Variants in SMARCA4 observed in about 807,000 individuals in gnomAD.
SMARCA4 encodes the protein SWI/SNF-related matrix-associated actin-dependent regulator of chromatin subfamily A member 4.
A neutral mutation model predicts 193.9 loss-of-function variants in SMARCA4; 31 were observed. The ratio of observed to expected loss-of-function variants is 0.16; its 90% CI spans 0.12 to 0.22. The LOEUF (loss-of-function observed/expected upper bound fraction) is 0.22. Among genes scored for constraint, SMARCA4 ranks in the 10% least tolerant of loss-of-function variants. The pLI, the probability that SMARCA4 is intolerant of heterozygous loss-of-function variation, is 1.00. For synonymous variants in SMARCA4, 942 were observed against 933.1 expected, an observed-to-expected ratio of 1.01 and a Z score of -0.17; for missense variants, 1,148 against 2,296.0, an observed-to-expected ratio of 0.50 and a Z score of 10.22.
rs909683114 is a variant in SMARCA4 at position 11,034,395 on chromosome 19, C to T, written c.3951+195C>T. ...GTCTCCTGAGGATGGCATCGGAGGG[C>T]GAGATGCACACCCAGCCTTCTGCAT... On this transcript the variant is annotated intron_variant, in intron 28 of 34. Coordinates refer to ENST00000344626, the MANE Select transcript of SMARCA4 (RefSeq NM_003072.5). This position sits in a 1 kb window ranked among gnomAD's most constrained non-coding sequence, Gnocchi z 7.0. Among the ~76,000 whole-genome samples the T allele has an allele frequency of 1.3e-5, 2 of 152,160 alleles. No individual in the cohort carries two copies. The highest frequency in any genetic ancestry group is 4.8e-5 in the African/African-American group (2 of 41,446).
At chr19:11,060,280 G>A (rs2076791585) in intron 34 of SMARCA4, 93 bp downstream of exon 34, 13 of 1,436,110 alleles carry the variant, frequency 9.1e-6, no homozygotes, top group Admixed American at 3.9e-5. Context: ...GTGCTCCCAC[G>A]CCCCCACGCT....
chr19:11,037,545 C>T (rs768478347), intron 29 of SMARCA4, among the ~76,000 whole-genome samples: 5 of 152,126 alleles, frequency 3.3e-5, no homozygotes, highest in Admixed American at 6.5e-5. Context: ...TTACAAGTGC[C>T]TTATCAGATA....
intron 11 of SMARCA4, among the ~76,000 whole-genome samples, chr19:11,000,420 C>T (rs781269948): frequency 1.3e-5 from 2 of 151,872 alleles, no homozygotes; most frequent in Non-Finnish European, 2.9e-5. Flanking sequence ...CCCACCTACT[C>T]GAGAGGCTGA....
chr19:11,031,186 G>A lies in SMARCA4; in HGVS notation c.3546+293G>A. 1 of 444,278 alleles carries A rather than the reference G, an allele frequency of 2.3e-6. No homozygotes were observed. The highest frequency in any genetic ancestry group is 2.1e-5 in the South Asian group (1 of 48,066). 27.5% of individuals were successfully genotyped at this position (444,278 alleles called of 1,614,324 possible). ...AATGGCACCCATGAGGAGGTGGAAA[G>A]TATCCTGATCAATCTGCGCCGTCAC... is the stretch of plus-strand genomic sequence containing the variant. On this transcript the variant is annotated intron_variant, in intron 25 of 34. Coordinates refer to ENST00000344626, the MANE Select transcript of SMARCA4 (RefSeq NM_003072.5). The surrounding 1 kb of genome is among the most constrained non-coding windows in gnomAD (Gnocchi z 4.3).
intron 1 of SMARCA4, among the ~76,000 whole-genome samples, chr19:10,982,258 G>T (rs928700485): frequency 6.6e-6 from 1 of 151,988 alleles, no homozygotes; most frequent in East Asian, 2.0e-4. Context: ...TTGGGATCAC[G>T]AGGTCAGGAG....
At chr19:10,998,923 C>T (rs1346662282) in intron 11 of SMARCA4, among the ~76,000 whole-genome samples, 5 of 148,362 alleles carry the variant, frequency 3.4e-5, no homozygotes, top group Admixed American at 1.4e-4. Flanking sequence ...TCTGTCAAGA[C>T]GGGGTCTCCC....
rs2076651110 is a variant in SMARCA4 at position 11,058,180 on chromosome 19, G to A, written c.4425-75G>A. The A allele has an allele frequency of 3.4e-6, 3 of 894,030 alleles. No individual in the cohort carries two copies. Among genetic ancestry groups the A allele is most frequent in the Non-Finnish European group, 5.6e-6 (3 of 537,194 alleles). 55.4% of individuals were successfully genotyped at this position (894,030 alleles called of 1,614,324 possible). A position where few individuals can be genotyped will look rare whatever the true frequency, so the allele number is the denominator to read the frequency against. ...GAATTTCTCATCCTTAAACAATGTG[G>A]GAACCTGCTGAGGTGGGGTGGGGGC... is the stretch of plus-strand genomic sequence containing the variant. On this transcript the variant is annotated intron_variant, in intron 30 of 34. Coordinates refer to ENST00000344626, the MANE Select transcript of SMARCA4 (RefSeq NM_003072.5). This position sits in a 1 kb window ranked among gnomAD's most constrained non-coding sequence, Gnocchi z 5.8.
chr19:11,047,898 T>C (rs1441773269), intron 30 of SMARCA4: 1 of 152,188 alleles, frequency 6.6e-6, no homozygotes, highest in Non-Finnish European at 1.5e-5. Context: ...GACTCAGAGA[T>C]CACCTCCCAG....
intron 13 of SMARCA4, 91 bp downstream of exon 13, chr19:11,003,488 G>A: frequency 7.9e-7 from 1 of 1,267,584 alleles, no homozygotes; most frequent in Non-Finnish European, 1.2e-6. Context: ...TGCCCTGGCT[G>A]GGCATCTTGT....
Position 11,058,751 on chromosome 19 carries a change from G to C in SMARCA4, c.4534-37G>C, listed in dbSNP as rs965681563. On this transcript the variant is annotated intron_variant, in intron 31 of 34. Coordinates refer to ENST00000344626, the MANE Select transcript of SMARCA4 (RefSeq NM_003072.5). This position sits in a 1 kb window ranked among gnomAD's most constrained non-coding sequence, Gnocchi z 5.8. ...CAGGCCTGCGGGCAGGCGAGGCGGG[G>C]TCCTGAGGTAAGACCTGCTCCTCCC... 6.4e-7 allele frequency: 1 copy of C among 1,569,714 alleles called. No homozygotes were observed. The highest frequency in any genetic ancestry group is 1.4e-5 in the African/African-American group (1 of 74,028).
At chr19:11,013,344 C>T (rs1165780306) in intron 16 of SMARCA4, among the ~76,000 whole-genome samples, 1 of 152,236 alleles carries the variant, frequency 6.6e-6, no homozygotes. Flanking sequence ...TTCACATGGT[C>T]CTTCCTCTGT....
chr19:11,059,046 G>A (rs922967933), intron 32 of SMARCA4, 157 bp downstream of exon 32: 3 of 651,406 alleles, frequency 4.6e-6, no homozygotes, highest in African/African-American at 3.6e-5. Context: ...AGGCCAAGGC[G>A]GGAGGATCAC....
At chr19:11,006,942 C>T (rs2088271390) in intron 13 of SMARCA4, among the ~76,000 whole-genome samples, 1 of 151,484 alleles carries the variant, frequency 6.6e-6, no homozygotes, top group Non-Finnish European at 1.5e-5. Flanking sequence ...AAACAATTAG[C>T]CAAGTGTCAT....
In SMARCA4 at chr19:11,059,866, G is replaced by A. The variant is rs1205508248; in HGVS notation, c.4749G>A (p.Glu1583=). 1 of 1,613,964 alleles carries A rather than the reference G, an allele frequency of 6.2e-7. No individual in the cohort carries two copies. Among genetic ancestry groups the A allele is most frequent in the Non-Finnish European group, 8.5e-7 (1 of 1,180,004 alleles). The stretch of plus-strand genomic sequence containing the variant: ...GTGAGGAGGAGGAAGAGGGCGAGGA[G>A]GAAGGCTCCGAATCCGAATGTGAGT... ...EESEEEEEGE[E]EGSESESRSV... Residue 1583 remains glutamate (E), a synonymous_variant, in exon 33 of 35, where the codon GAG becomes GAA. Transcript: ENST00000344626.
intron 1 of SMARCA4, among the ~76,000 whole-genome samples, chr19:10,970,687 G>A (rs2084597916): frequency 6.6e-6 from 1 of 152,154 alleles, no homozygotes; most frequent in African/African-American, 2.4e-5. Flanking sequence ...GCTTAGGTGA[G>A]CCCACTGCAT....
chr19:11,047,858 A>G (rs560690124), intron 30 of SMARCA4: 1 of 152,298 alleles, frequency 6.6e-6, no homozygotes, highest in African/African-American at 2.4e-5. Context: ...CCACGTAAAC[A>G]AAGACAGCCA....
rs767947665 is a variant in SMARCA4, at chr19:10,986,973, C to G, written c.829C>G (p.Pro277Ala). Residue 277 changes from proline (P) to alanine (A), a missense_variant, in exon 5 of 35, where the codon CCT (proline) becomes GCT (alanine). Transcript: ENST00000344626. This position sits in a 1 kb window ranked among gnomAD's most constrained non-coding sequence, Gnocchi z 6.7. ...GCCCCCCGGGATGCCAGGCCAGCCTCCTGGAGGGCCTCCCAAGCCCTGGCC... is the reference window on the plus strand; with the variant it reads ...GCCCCCCGGGATGCCAGGCCAGCCTGCTGGAGGGCCTCCCAAGCCCTGGCC... ...GVPPGMPGQP[P>A]GGPPKPWPEG... is the part of the protein sequence containing the mutation. The G allele has an allele frequency of 6.2e-7, 1 of 1,608,004 alleles. No individual in the cohort carries two copies. The highest frequency in any genetic ancestry group is 1.1e-5 in the South Asian group (1 of 91,088).
intron 8 of SMARCA4, among the ~76,000 whole-genome samples, chr19:10,992,560 G>A (rs1336453701): frequency 6.6e-6 from 1 of 151,808 alleles, no homozygotes; most frequent in Non-Finnish European, 1.5e-5. Context: ...AAGTAGTTGG[G>A]ATTACAGATG....
chr19:11,013,911 G>A (rs2089106056), intron 16 of SMARCA4, among the ~76,000 whole-genome samples: 1 of 152,070 alleles, frequency 6.6e-6, no homozygotes, highest in Non-Finnish European at 1.5e-5. Context: ...TGCAAACAGA[G>A]TCCGCCCCCC....
Sources: allele counts gnomAD v4.1 joint callset (sites outside exome capture counted in the v4.1 genomes callset), GRCh38; gene constraint gnomAD v4.1.1; non-coding constraint Gnocchi (gnomAD v3.1); transcripts MANE v1.5; gene names NCBI Gene and HGNC (gene_info 2026-07-23, HGNC 2026-07-21).